The following SPON1 variants were observed in gnomAD, a reference collection of about 807,000 sequenced individuals.
The protein encoded by SPON1 is spondin-1.
In SPON1, 52 loss-of-function variants were observed where a neutral mutation model predicts 111.7. The observed-to-expected ratio is 0.47, with a 90% CI of 0.37 to 0.59. The LOEUF is 0.59. Among genes scored for constraint, SPON1 ranks in the 20% least tolerant of loss-of-function variants. The pLI is 0.00. For synonymous variants in SPON1, 410 were observed against 395.8 expected (o/e 1.04, Z -0.43); for missense variants, 957 against 1,068.5 (o/e 0.90, Z 1.46).
chr11:13,973,908 TC>T (rs1228589523), intron 1 of SPON1, among the ~76,000 whole-genome samples: 7 of 152,176 alleles, frequency 4.6e-5, no homozygotes, highest in South Asian at 2.1e-4. Context: ...GTATGCATGA[TC>T]TTCAGTTTGA....
intron 2 of SPON1, among the ~76,000 whole-genome samples, chr11:14,032,016 A>T (rs1848562676): frequency 6.6e-6 from 1 of 152,232 alleles, no homozygotes. Context: ...AATAGCCCCA[A>T]ATTATAAACA....
At chr11:14,075,269 G>C (rs1293207320) in intron 3 of SPON1, 76 bp from the exon 4 acceptor site, 40 of 1,109,784 alleles carry the variant, frequency 3.6e-5, no homozygotes, top group Middle Eastern at 1.9e-4. Flanking sequence ...GCCAAGCAGG[G>C]ACTATGTCTG....
At position 14,142,167 on chromosome 11, in the gene SPON1, C is replaced by T. The variant is rs115461965; in HGVS notation, c.825+6599C>T. ...TAAGTGAGCTGATAAGTGTAAAGTA[C>T]TTGGAGCAGAGCCTGCCCTTAGAAA... On this transcript the variant is annotated intron_variant, in intron 6 of 15. Coordinates refer to ENST00000576479, the MANE Select transcript of SPON1 (RefSeq NM_006108.4). Among the ~76,000 whole-genome samples, 377 of 152,332 alleles carry T rather than the reference C, an allele frequency of 2.5e-3. 3 individuals are homozygous for T. Among genetic ancestry groups the T allele is most frequent in the African/African-American group, 8.9e-3 (369 of 41,562 alleles).
intron 6 of SPON1, among the ~76,000 whole-genome samples, chr11:14,175,336 C>A (rs1462651811): frequency 6.6e-6 from 1 of 152,178 alleles, no homozygotes; most frequent in Non-Finnish European, 1.5e-5. Context: ...AGTATTCCCA[C>A]ATGGTCACTA....
chr11:14,065,391 A>G (rs1848823712), intron 3 of SPON1, among the ~76,000 whole-genome samples: 1 of 152,128 alleles, frequency 6.6e-6, no homozygotes. Flanking sequence ...ATGTGGCAGC[A>G]TTTCCTCTTC....
intron 10 of SPON1, among the ~76,000 whole-genome samples, chr11:14,257,073 G>A (rs1554941297): frequency 6.6e-6 from 1 of 152,152 alleles, no homozygotes; most frequent in African/African-American, 2.4e-5. Context: ...AATCAGGAGG[G>A]AGCGACAGAG....
At chr11:14,244,343 C>A (rs1848963828) in intron 7 of SPON1, among the ~76,000 whole-genome samples, 1 of 152,118 alleles carries the variant, frequency 6.6e-6, no homozygotes, top group South Asian at 2.1e-4. Flanking sequence ...CATGGTGAAA[C>A]TCAGTCTCTA....
chr11:14,027,107 G>A (rs11023054), intron 2 of SPON1, among the ~76,000 whole-genome samples: 45,221 of 152,048 alleles, frequency 0.3, 7,868 homozygotes, highest in South Asian at 0.51. Context: ...GAGGAGACTC[G>A]TCTGGACTTC....
chr11:14,263,060 A>T, intron 15 of SPON1, 85 bp downstream of exon 15: 1 of 1,381,266 alleles, frequency 7.2e-7, no homozygotes. Flanking sequence ...GTTTAAAAAA[A>T]AAAAAAAAAA....
Position 14,257,887 on chromosome 11 carries a change from G to T in SPON1, c.1481G>T (p.Cys494Phe). 1 of 1,553,996 alleles carries T rather than the reference G, an allele frequency of 6.4e-7. No individual in the cohort carries two copies. The change falls in exon 11 of 16, where the codon TGC becomes TTC. Residue 494 changes from cysteine (C) to phenylalanine (F), a missense_variant. Transcript: ENST00000576479. ...QDFQPCMGPG[C>F]SDEDGSTCTM... ...TTCCAGCCCTGCATGGGCCCTGGCT[G>T]CAGTGACGAAGGTGAGGAGACAACC...
At chr11:13,983,271 C>T (rs1848158459) in intron 2 of SPON1, among the ~76,000 whole-genome samples, 1 of 152,240 alleles carries the variant, frequency 6.6e-6, no homozygotes, top group Non-Finnish European at 1.5e-5. Flanking sequence ...CCTGCACAGG[C>T]ATTTCGTGAT....
chr11:14,259,765 T>C lies in SPON1; in HGVS notation c.1831+64T>C. ...GGGACAGGCGTGGAGGGCCATGGCA[T>C]CCACTATTACCACCATAAAGGTCGG... On this transcript the variant is annotated intron_variant, in intron 13 of 15. Coordinates refer to ENST00000576479, the MANE Select transcript of SPON1 (RefSeq NM_006108.4). The surrounding 1 kb of genome is among the most constrained non-coding windows in gnomAD (Gnocchi z 5.0). 4 of 1,491,846 alleles carry C rather than the reference T, an allele frequency of 2.7e-6. No homozygotes were observed. Among genetic ancestry groups the C allele is most frequent in the South Asian group, 1.3e-5 (1 of 76,838 alleles). 92.4% of individuals were successfully genotyped at this position (1,491,846 alleles called of 1,614,324 possible).
chr11:13,991,328 C>A (rs1242714630), intron 2 of SPON1, among the ~76,000 whole-genome samples: 3 of 152,100 alleles, frequency 2.0e-5, no homozygotes, highest in Non-Finnish European at 2.9e-5. Flanking sequence ...TTAAGTTGAT[C>A]TTTAATCACG....
At chr11:13,998,164 CTTA>C (rs1258452818) in intron 2 of SPON1, among the ~76,000 whole-genome samples, 3 of 152,172 alleles carry the variant, frequency 2.0e-5, no homozygotes, top group African/African-American at 7.2e-5. Flanking sequence ...AGTAGGCACT[CTTA>C]TTATTATTCC....
At chr11:14,186,609 C>G (rs1331284172) in intron 6 of SPON1, among the ~76,000 whole-genome samples, 1 of 152,206 alleles carries the variant, frequency 6.6e-6, no homozygotes, top group Non-Finnish European at 1.5e-5. Flanking sequence ...TCCTGGCTGT[C>G]CCATTTATCC....
At chr11:13,989,452 TG>T (rs1278909968) in intron 2 of SPON1, among the ~76,000 whole-genome samples, 2 of 152,210 alleles carry the variant, frequency 1.3e-5, no homozygotes, top group African/African-American at 4.8e-5. Context: ...TTTATTAGTC[TG>T]GCTAGCAGTC....
intron 2 of SPON1, among the ~76,000 whole-genome samples, chr11:13,983,261 C>G (rs1454027891): frequency 6.6e-6 from 1 of 152,188 alleles, no homozygotes; most frequent in Non-Finnish European, 1.5e-5. Context: ...GGCTGTTTTG[C>G]CTGCACAGGC....
chr11:14,014,319 C>T (rs1685893117), intron 2 of SPON1, among the ~76,000 whole-genome samples: 1 of 152,158 alleles, frequency 6.6e-6, no homozygotes, highest in Non-Finnish European at 1.5e-5. Context: ...CCACAGCATT[C>T]CACAGATTCA....
At chr11:14,004,687 G>A (rs1344715775) in intron 2 of SPON1, among the ~76,000 whole-genome samples, 2 of 151,924 alleles carry the variant, frequency 1.3e-5, no homozygotes, top group Non-Finnish European at 2.9e-5. Context: ...GGGTTTTTTT[G>A]TTTTTCTGCT....
Sources: allele counts gnomAD v4.1 joint callset (sites outside exome capture counted in the v4.1 genomes callset), GRCh38; gene constraint gnomAD v4.1.1; non-coding constraint Gnocchi (gnomAD v3.1); transcripts MANE v1.5; gene names NCBI Gene and HGNC (gene_info 2026-07-23, HGNC 2026-07-21).